Variants in AGBL4 observed in about 807,000 individuals in gnomAD.
AGBL4 encodes AGBL carboxypeptidase 4.
A neutral mutation model predicts 66.4 loss-of-function variants in AGBL4; 58 were observed. That is an observed-to-expected ratio of 0.87 (90% CI 0.71 to 1.09). The LOEUF (loss-of-function observed/expected upper bound fraction) is 1.09. Among genes scored for constraint, AGBL4 ranks in the 50% least tolerant of loss-of-function variants. The pLI, the probability that AGBL4 is intolerant of heterozygous loss-of-function variation, is 0.00. For synonymous variants in AGBL4, 234 were observed against 222.9 expected (o/e 1.05, Z -0.44); for missense variants, 579 against 631.0 (o/e 0.92, Z 0.88).
intron 3 of AGBL4, among the ~76,000 whole-genome samples, chr1:49,264,024 C>T (rs1653489594): frequency 6.6e-6 from 1 of 151,924 alleles, no homozygotes; most frequent in African/African-American, 2.4e-5. Flanking sequence ...AAATGGCAAG[C>T]ATTTTAACAC....
At chr1:48,844,852 C>A (rs1445476616) in intron 6 of AGBL4, among the ~76,000 whole-genome samples, 1 of 152,182 alleles carries the variant, frequency 6.6e-6, no homozygotes, top group African/African-American at 2.4e-5. Flanking sequence ...ATGTCTGATT[C>A]ATCTCTGTAT....
At chr1:48,696,471 A>G (rs1226808752) in intron 6 of AGBL4, among the ~76,000 whole-genome samples, 5 of 152,172 alleles carry the variant, frequency 3.3e-5, no homozygotes, top group Non-Finnish European at 7.3e-5. Context: ...AAAAAGGGAA[A>G]TGAGGCCCAA....
intron 1 of AGBL4, among the ~76,000 whole-genome samples, chr1:49,955,866 T>C (rs1220255345): frequency 6.6e-6 from 1 of 151,872 alleles, no homozygotes; most frequent in Non-Finnish European, 1.5e-5. Flanking sequence ...CCTTCTGGCT[T>C]GATAGAATAA....
chr1:49,765,363 AC>A (rs1652658947), intron 2 of AGBL4, among the ~76,000 whole-genome samples: 6 of 151,890 alleles, frequency 4.0e-5, no homozygotes, highest in Admixed American at 3.9e-4. Context: ...AAGCCAAAAG[AC>A]CCTACTCAAC....
chr1:49,500,227 G>C (rs1445232283), intron 3 of AGBL4, among the ~76,000 whole-genome samples: 3 of 151,772 alleles, frequency 2.0e-5, no homozygotes, highest in Admixed American at 1.3e-4. Flanking sequence ...GGGATTATTT[G>C]TTTTCTTCTT....
At chr1:49,813,920 G>A (rs12133974) in intron 2 of AGBL4, among the ~76,000 whole-genome samples, 14,225 of 152,028 alleles carry the variant, frequency 0.094, 891 homozygotes, top group African/African-American at 0.17. Context: ...GAATCATGCG[G>A]GCAGGTCTTT....
intron 2 of AGBL4, among the ~76,000 whole-genome samples, chr1:49,732,164 G>A (rs763984323): frequency 3.9e-5 from 6 of 152,190 alleles, no homozygotes; most frequent in Non-Finnish European, 8.8e-5. Context: ...AACTCTACCA[G>A]CTTGAAGTAC....
At chr1:48,645,887 T>A (rs1335294471) in intron 8 of AGBL4, among the ~76,000 whole-genome samples, 1 of 152,050 alleles carries the variant, frequency 6.6e-6, no homozygotes, top group Admixed American at 6.6e-5. Flanking sequence ...GGGAATGGAT[T>A]TCAGATTACA....
chr1:50,020,109 C>A (rs1572070332), intron 1 of AGBL4, among the ~76,000 whole-genome samples: 1 of 151,952 alleles, frequency 6.6e-6, no homozygotes, highest in African/African-American at 2.4e-5. Context: ...TCCTCAAAAT[C>A]TACCTCACAC....
chr1:49,750,898 T>C (rs1409703716), intron 2 of AGBL4, among the ~76,000 whole-genome samples: 1 of 152,242 alleles, frequency 6.6e-6, no homozygotes, highest in Non-Finnish European at 1.5e-5. Context: ...TTGTCTATTA[T>C]TTGTGTATAC....
intron 3 of AGBL4, among the ~76,000 whole-genome samples, chr1:49,503,010 T>C (rs1648317913): frequency 6.6e-6 from 1 of 152,142 alleles, no homozygotes. Flanking sequence ...TTCCAGGGCA[T>C]GTCACAGACC....
chr1:49,242,919 A>G (rs1243191802), intron 4 of AGBL4, among the ~76,000 whole-genome samples: 1 of 151,594 alleles, frequency 6.6e-6, no homozygotes, highest in Non-Finnish European at 1.5e-5. Context: ...CTATGCTAAG[A>G]CTTGAAGGCC....
intron 9 of AGBL4, among the ~76,000 whole-genome samples, chr1:48,608,120 A>T (rs1645180010): frequency 6.6e-6 from 1 of 152,208 alleles, no homozygotes; most frequent in South Asian, 2.1e-4. Context: ...GATGCCAATG[A>T]TTGGAACTGC....
At chr1:49,460,940 T>A (rs1281945783) in intron 3 of AGBL4, among the ~76,000 whole-genome samples, 1 of 151,732 alleles carries the variant, frequency 6.6e-6, no homozygotes. Context: ...TCCATTCTAG[T>A]TTGCAGGGTT....
In AGBL4 at chr1:49,486,249, A is replaced by ATCT. The variant is rs746462151; in HGVS notation, c.282+211061_282+211063dup. Among the ~76,000 whole-genome samples, 236 of 152,192 alleles carry ATCT rather than the reference A, an allele frequency of 1.6e-3. 1 individual carries two copies. The highest frequency in any genetic ancestry group is 2.8e-3 in the Non-Finnish European group (190 of 68,000). ...AATTACCTTTACGGAAATACAGAGA[A>ATCT]TCTTCACCTATTTTCCAAAGGTAAT... On this transcript the variant is annotated intron_variant, in intron 3 of 13. Transcript: ENST00000371839.
intron 2 of AGBL4, among the ~76,000 whole-genome samples, chr1:49,722,940 A>C (rs979475513): frequency 2.6e-5 from 4 of 152,266 alleles, no homozygotes; most frequent in African/African-American, 9.6e-5. Context: ...CTCACTCCTC[A>C]ACTTGAGCTA....
intron 4 of AGBL4, among the ~76,000 whole-genome samples, chr1:49,097,269 C>T (rs1019623728): frequency 1.3e-5 from 2 of 152,064 alleles, no homozygotes; most frequent in African/African-American, 4.8e-5. Flanking sequence ...TCCAAAATTC[C>T]ACCAACAATA....
At chr1:49,418,429 G>A (rs867489940) in intron 3 of AGBL4, among the ~76,000 whole-genome samples, 1 of 152,122 alleles carries the variant, frequency 6.6e-6, no homozygotes, top group Non-Finnish European at 1.5e-5. Flanking sequence ...CATGGAGTTC[G>A]TAGTCTAATA....
chr1:49,798,259 A>C (rs2147942531), intron 2 of AGBL4, among the ~76,000 whole-genome samples: 1 of 152,332 alleles, frequency 6.6e-6, no homozygotes, highest in South Asian at 2.1e-4. Context: ...ATTAAAGATA[A>C]CAAATCTGCC....
Sources: gnomAD v4.1 joint callset for allele counts (sites outside exome capture counted in the v4.1 genomes callset) on GRCh38, gnomAD v4.1.1 for gene constraint, MANE v1.5 for transcripts, NCBI Gene and HGNC (gene_info 2026-07-23, HGNC 2026-07-21) for gene names.